The following CYCS variants were observed in gnomAD, a reference collection of about 807,000 sequenced individuals.
The protein encoded by CYCS is cytochrome c.
For synonymous variants in CYCS, 41 were observed against 43.0 expected, an observed-to-expected ratio of 0.95 and a Z score of 0.18; for missense variants, 87 against 125.3, an observed-to-expected ratio of 0.69 and a Z score of 1.46.
Position 25,119,439 on chromosome 7 carries a change from C to T in CYCS, c.*4262G>A, listed in dbSNP as rs1783324724. Among the ~76,000 whole-genome samples the T allele has an allele frequency of 6.6e-6, 1 of 151,976 alleles. No homozygotes were observed. Among genetic ancestry groups the T allele is most frequent in the Non-Finnish European group, 1.5e-5 (1 of 68,002 alleles). On this transcript the variant is annotated 3_prime_UTR_variant, in exon 3 of 3. Transcript: ENST00000305786. ...TTACAGGTGCCGCCACCACGCCCAG[C>T]TAGTTTTTATATTTTTGGTAGAGAT...
chr7:25,123,411 C>T lies in CYCS; in HGVS notation c.*290G>A, dbSNP rs1783392358. ...ATCTCCAGTAAGTTTTAAGATGGCA[C>T]TCACCATCTTTGTGAAAAGTTGAAC... On this transcript the variant is annotated 3_prime_UTR_variant, in exon 3 of 3. Transcript: ENST00000305786. 7.8e-6 allele frequency: 3 copies of T among 382,310 alleles called. No homozygotes were observed. Among genetic ancestry groups the T allele is most frequent in the African/African-American group, 6.2e-5 (3 of 48,506 alleles). The allele number at this position is 382,310 out of a possible 1,614,324, so 23.7% of individuals were successfully genotyped here.
rs1426713121 is a variant in CYCS at position 25,120,133 on chromosome 7, T to A, written c.*3568A>T. ...AGACAGTTTCACTCGTCACCCAGGC[T>A]TGAGTGCAGTGGCACAATCTTGGCT... is the stretch of plus-strand genomic sequence containing the variant. On this transcript the variant is annotated 3_prime_UTR_variant, in exon 3 of 3. Coordinates refer to ENST00000305786, the MANE Select transcript of CYCS (RefSeq NM_018947.6). The A allele has an allele frequency of 6.6e-6, 1 of 152,130 alleles. No individual in the cohort carries two copies. Among genetic ancestry groups the A allele is most frequent in the Non-Finnish European group, 1.5e-5 (1 of 68,024 alleles). 9.4% of individuals were successfully genotyped at this position (152,130 alleles called of 1,614,324 possible).
chr7:25,124,512 C>G (rs991816686), intron 1 of CYCS, among the ~76,000 whole-genome samples: 1 of 152,206 alleles, frequency 6.6e-6, no homozygotes, highest in East Asian at 1.9e-4. Flanking sequence ...ACCATTTAAT[C>G]TTACTACAAT....
At chr7:25,123,917 T>A in intron 2 of CYCS, 34 bp downstream of exon 2, 1 of 1,614,142 alleles carries the variant, frequency 6.2e-7, no homozygotes, top group Non-Finnish European at 8.5e-7. Context: ...TATTCCTGCA[T>A]TTTGTGTTGT....
Position 25,120,657 on chromosome 7 carries a change from A to G in CYCS, c.*3044T>C, listed in dbSNP as rs1356567725. 1 of 152,262 alleles carries G rather than the reference A, an allele frequency of 6.6e-6. No individual in the cohort carries two copies. Among genetic ancestry groups the G allele is most frequent in the East Asian group, 1.9e-4 (1 of 5,204 alleles). 9.4% of individuals were successfully genotyped at this position (152,262 alleles called of 1,614,324 possible). A position where few individuals can be genotyped will look rare whatever the true frequency, so the allele number is the denominator to read the frequency against. On this transcript the variant is annotated 3_prime_UTR_variant, in exon 3 of 3. Coordinates refer to ENST00000305786, the MANE Select transcript of CYCS (RefSeq NM_018947.6). The stretch of plus-strand genomic sequence containing the variant: ...ACTGTTCTAGACAAAATAAGCATGT[A>G]GGTGGCATCTGAATACCCCTTAAAT...
In CYCS at chr7:25,123,638, T is replaced by A; in HGVS notation, c.*63A>T. On this transcript the variant is annotated 3_prime_UTR_variant, in exon 3 of 3. Transcript: ENST00000305786. ...CTGGTGTATGAGATCTATTAAAGGA[T>A]GGTACACATAAAAAAGTCATGAGAC... The A allele has an allele frequency of 7.3e-7, 1 of 1,372,420 alleles. No individual in the cohort carries two copies. Among genetic ancestry groups the A allele is most frequent in the Non-Finnish European group, 1.0e-6 (1 of 975,430 alleles). 85.0% of individuals were successfully genotyped at this position (1,372,420 alleles called of 1,614,324 possible).
rs1037527642 is a variant in CYCS at position 25,119,206 on chromosome 7, T to C, written c.*4495A>G. ...TCTCGCCCCCAACTTGGCAACATCT[T>C]ATTGGTTTTCAGAATATACTGATGA... On this transcript the variant is annotated 3_prime_UTR_variant, in exon 3 of 3. Coordinates refer to ENST00000305786, the MANE Select transcript of CYCS (RefSeq NM_018947.6). Among the ~76,000 whole-genome samples, 4 of 152,212 alleles carry C rather than the reference T, an allele frequency of 2.6e-5. No individual in the cohort carries two copies. Among genetic ancestry groups the C allele is most frequent in the Admixed American group, 6.5e-5 (1 of 15,286 alleles).
At position 25,123,164 on chromosome 7, in the gene CYCS, G is replaced by A. The variant is rs532984462; in HGVS notation, c.*537C>T. The A allele has an allele frequency of 5.4e-3, 877 of 161,872 alleles. 5 individuals are homozygous for A. Among genetic ancestry groups the A allele is most frequent in the Middle Eastern group, 9.7e-3 (3 of 310 alleles). The allele number at this position is 161,872 out of a possible 1,614,324, so 10.0% of individuals were successfully genotyped here. ...CTAAAATGCCTTTCAATAAGTAAAA[G>A]AAACCATTTTAAATACAGGGAATTA... On this transcript the variant is annotated 3_prime_UTR_variant, in exon 3 of 3. Transcript: ENST00000305786.
In CYCS at chr7:25,120,653, A is replaced by G. The variant is rs1306191381; in HGVS notation, c.*3048T>C. ...CAGCACTGTTCTAGACAAAATAAGCATGTAGGTGGCATCTGAATACCCCTT... is the reference window on the plus strand; with the variant it reads ...CAGCACTGTTCTAGACAAAATAAGCGTGTAGGTGGCATCTGAATACCCCTT... On this transcript the variant is annotated 3_prime_UTR_variant, in exon 3 of 3. Transcript: ENST00000305786. 1 of 152,252 alleles carries G rather than the reference A, an allele frequency of 6.6e-6. No homozygotes were observed. The highest frequency in any genetic ancestry group is 1.5e-5 in the Non-Finnish European group (1 of 68,036). 9.4% of individuals were successfully genotyped at this position (152,252 alleles called of 1,614,324 possible). A position where few individuals can be genotyped will look rare whatever the true frequency, so the allele number is the denominator to read the frequency against.
Position 25,124,020 on chromosome 7 carries a change from G to A in CYCS, c.100C>T (p.His34Tyr), listed in dbSNP as rs752984039. 1 of 1,614,114 alleles carries A rather than the reference G, an allele frequency of 6.2e-7. No homozygotes were observed. Residue 34 changes from histidine (H) to tyrosine (Y), a missense_variant, in exon 2 of 3, where the codon CAT (histidine) becomes TAT (tyrosine). By Grantham distance (83) the His-to-Tyr change is moderately conservative. Transcript: ENST00000305786. The stretch of plus-strand genomic sequence containing the variant: ...CCTGTCTTCCGCCCAAAGAGACCAT[G>A]GAGATTTGGCCCAGTCTTGTGCTTG... ...GGKHKTGPNL[H>Y]GLFGRKTGQA...
chr7:25,122,796 T>C lies in CYCS; in HGVS notation c.*905A>G, dbSNP rs1783384030. ...CTTTTTAATCATTAAAATTTGTGCA[T>C]CAGTCATGAAATCAAGCACAGTCAA... is the stretch of plus-strand genomic sequence containing the variant. On this transcript the variant is annotated 3_prime_UTR_variant, in exon 3 of 3. Transcript: ENST00000305786. 1 of 152,248 alleles carries C rather than the reference T, an allele frequency of 6.6e-6. No individual in the cohort carries two copies. The highest frequency in any genetic ancestry group is 6.5e-5 in the Admixed American group (1 of 15,286). The allele number at this position is 152,248 out of a possible 1,614,324, so 9.4% of individuals were successfully genotyped here.
chr7:25,124,866 T>C (rs1783421764), intron 1 of CYCS: 1 of 152,574 alleles, frequency 6.6e-6, no homozygotes, highest in Admixed American at 6.5e-5. Flanking sequence ...CGTGAAGCTC[T>C]AAGCTTCGGC....
rs1273249668 is a variant in CYCS at position 25,123,059 on chromosome 7, T to C, written c.*642A>G. On this transcript the variant is annotated 3_prime_UTR_variant, in exon 3 of 3. Transcript: ENST00000305786. ...TCAAGAGTGAAGTTTAACTTGCTAC[T>C]ATTTTAAAAGCATGTGACCTTATAG... The C allele has an allele frequency of 2.0e-5, 3 of 152,844 alleles. No individual in the cohort carries two copies. The highest frequency in any genetic ancestry group is 6.5e-5 in the Admixed American group (1 of 15,384). 9.5% of individuals were successfully genotyped at this position (152,844 alleles called of 1,614,324 possible). A position where few individuals can be genotyped will look rare whatever the true frequency, so the allele number is the denominator to read the frequency against.
Position 25,124,065 on chromosome 7 carries a change from G to T in CYCS, c.55C>A (p.His19Asn). 1 of 1,613,864 alleles carries T rather than the reference G, an allele frequency of 6.2e-7. No homozygotes were observed. Among genetic ancestry groups the T allele is most frequent in the Non-Finnish European group, 8.5e-7 (1 of 1,179,892 alleles). ...KIFIMKCSQC[H>N]TVEKGGKHKT... The stretch of plus-strand genomic sequence containing the variant: ...TGCTTGCCTCCCTTTTCAACGGTGT[G>T]GCACTGGGAACACTTCATAATAAAA... The change falls in exon 2 of 3, where the codon CAC becomes AAC. Residue 19 changes from histidine to asparagine, a missense_variant. Physicochemically the swap from His to Asn is moderately conservative, Grantham distance 68. Coordinates refer to ENST00000305786, the MANE Select transcript of CYCS (RefSeq NM_018947.6).
Position 25,123,737 on chromosome 7 carries a change from G to A in CYCS, c.282C>T (p.Asp94=), listed in dbSNP as rs1047827001. The part of the protein sequence containing the change: ...VGIKKKEERA[D]LIAYLKKATN... ...TAGCTTTTTTGAGATAAGCTATTAA[G>A]TCTGCCCTTTCTTCCTTCTTCTTAA... is the stretch of plus-strand genomic sequence containing the variant. Residue 94 remains aspartate (D), a synonymous_variant, in exon 3 of 3, where the codon GAC becomes GAT. Transcript: ENST00000305786. 3.9e-5 allele frequency: 62 copies of A among 1,605,270 alleles called. No individual in the cohort carries two copies. Among genetic ancestry groups the A allele is most frequent in the Non-Finnish European group, 5.3e-5 (62 of 1,179,990 alleles).
At position 25,118,760 on chromosome 7, in the gene CYCS, TAC is replaced by T. The variant is rs1434874639; in HGVS notation, c.*4939_*4940del. On this transcript the variant is annotated 3_prime_UTR_variant, in exon 3 of 3. Transcript: ENST00000305786. Reference sequence around the variant, plus strand: ...CTAGCCCAGTGGTCCTTTCTGAAACTACACTGTTCAAGTTACAGACATATTTA... The same window carrying T: ...CTAGCCCAGTGGTCCTTTCTGAAACTACTGTTCAAGTTACAGACATATTTA... Among the ~76,000 whole-genome samples, 4 of 152,214 alleles carry T rather than the reference TAC, an allele frequency of 2.6e-5. No individual in the cohort carries two copies. The highest frequency in any genetic ancestry group is 6.5e-5 in the Admixed American group (1 of 15,284).
chr7:25,124,840 G>A (rs1186220585), intron 1 of CYCS: 1 of 152,660 alleles, frequency 6.6e-6, no homozygotes, highest in Non-Finnish European at 1.5e-5. Flanking sequence ...AACAGCTTTT[G>A]CCCTCTGAAG....
rs930859783 is a variant in CYCS at position 25,123,701 on chromosome 7, T to C, written c.318A>G (p.Ter106=). 5.0e-6 allele frequency: 8 copies of C among 1,599,410 alleles called. No individual in the cohort carries two copies. Among genetic ancestry groups the C allele is most frequent in the African/African-American group, 4.0e-5 (3 of 74,910 alleles). ...TAATAAATAAGGCAGTGGCCAATTA[T>C]TACTCATTAGTAGCTTTTTTGAGAT... is the stretch of plus-strand genomic sequence containing the variant. ...IAYLKKATNE[*] is the part of the protein sequence containing the mutation. Residue 106 remains the stop codon, a stop_retained_variant, in exon 3 of 3, where the codon TAA becomes TAG. Coordinates refer to ENST00000305786, the MANE Select transcript of CYCS (RefSeq NM_018947.6).
Position 25,119,298 on chromosome 7 carries a change from C to T in CYCS, c.*4403G>A, listed in dbSNP as rs367991849. ...AAGGAAACTTTTTTTCTTTTTGAGACGGAGTTTCACTATTGTTGCCCAGGC... is the reference window on the plus strand; with the variant it reads ...AAGGAAACTTTTTTTCTTTTTGAGATGGAGTTTCACTATTGTTGCCCAGGC... On this transcript the variant is annotated 3_prime_UTR_variant, in exon 3 of 3. Coordinates refer to ENST00000305786, the MANE Select transcript of CYCS (RefSeq NM_018947.6). Among the ~76,000 whole-genome samples the T allele has an allele frequency of 4.6e-5, 7 of 152,260 alleles. No individual in the cohort carries two copies. Among genetic ancestry groups the T allele is most frequent in the South Asian group, 2.1e-4 (1 of 4,828 alleles).
Sources: gnomAD v4.1 joint callset for allele counts (sites outside exome capture counted in the v4.1 genomes callset) on GRCh38, gnomAD v4.1.1 for gene constraint, MANE v1.5 for transcripts, NCBI Gene and HGNC (gene_info 2026-07-23, HGNC 2026-07-21) for gene names.